SLC10A7: variants seen among roughly 807,000 people sequenced by gnomAD.
SLC10A7 encodes the protein solute carrier family 10 member 7, also known as sodium/bile acid cotransporter 7.
In SLC10A7, 29 loss-of-function variants were observed where a neutral mutation model predicts 43.2. The observed-to-expected ratio is 0.67, with a 90% CI of 0.50 to 0.92. The LOEUF (loss-of-function observed/expected upper bound fraction) is 0.92. SLC10A7 is among the 40% of genes least tolerant of loss of function. The pLI is 0.00. For synonymous variants in SLC10A7, 152 were observed against 144.8 expected, an observed-to-expected ratio of 1.05 and a Z score of -0.35; for missense variants, 295 against 403.2, an observed-to-expected ratio of 0.73 and a Z score of 2.30.
intron 4 of SLC10A7, among the ~76,000 whole-genome samples, chr4:146,459,581 T>C (rs1732356116): frequency 1.3e-5 from 2 of 151,156 alleles, no homozygotes; most frequent in African/African-American, 4.8e-5. Context: ...GAAAGAATAA[T>C]CTTTTCAATA....
intron 5 of SLC10A7, chr4:146,442,447 C>T (rs996484847): frequency 9.6e-7 from 1 of 1,041,092 alleles, no homozygotes; most frequent in South Asian, 3.8e-5. Context: ...TCAAAATCCT[C>T]AGTCCCATGA....
At chr4:146,480,043 T>C (rs970154161) in intron 4 of SLC10A7, among the ~76,000 whole-genome samples, 1 of 151,264 alleles carries the variant, frequency 6.6e-6, no homozygotes, top group Non-Finnish European at 1.5e-5. Flanking sequence ...TTGTACATAG[T>C]ATAAGGCATA....
intron 4 of SLC10A7, among the ~76,000 whole-genome samples, chr4:146,458,564 T>C (rs1212928867): frequency 1.3e-5 from 2 of 151,910 alleles, no homozygotes; most frequent in Non-Finnish European, 2.9e-5. Context: ...GATTATTCCT[T>C]ATAAATGTCT....
chr4:146,395,576 C>T (rs1231530835), intron 5 of SLC10A7, among the ~76,000 whole-genome samples: 1 of 152,214 alleles, frequency 6.6e-6, no homozygotes, highest in Non-Finnish European at 1.5e-5. Flanking sequence ...GAACAATTTA[C>T]TGCACAAATA....
intron 5 of SLC10A7, among the ~76,000 whole-genome samples, chr4:146,365,086 T>A (rs916548615): frequency 6.6e-6 from 1 of 152,082 alleles, no homozygotes; most frequent in African/African-American, 2.4e-5. Context: ...GATCAAAGTA[T>A]CAAAGAAATC....
At chr4:146,399,804 T>C (rs1739098434) in intron 5 of SLC10A7, among the ~76,000 whole-genome samples, 1 of 152,110 alleles carries the variant, frequency 6.6e-6, no homozygotes, top group African/African-American at 2.4e-5. Flanking sequence ...ACTTCTACTT[T>C]GCGCACAGTA....
intron 5 of SLC10A7, among the ~76,000 whole-genome samples, chr4:146,370,771 C>A (rs1484944914): frequency 6.6e-6 from 1 of 152,078 alleles, no homozygotes; most frequent in African/African-American, 2.4e-5. Context: ...ATTTACGTTT[C>A]CGAAATGTCT....
intron 5 of SLC10A7, among the ~76,000 whole-genome samples, chr4:146,403,078 C>T (rs556475667): frequency 1.3e-5 from 2 of 152,198 alleles, no homozygotes; most frequent in South Asian, 4.2e-4. Flanking sequence ...AGAAGAGTAC[C>T]TGCCACAAAG....
At chr4:146,352,184 G>T (rs1251551131) in intron 5 of SLC10A7, among the ~76,000 whole-genome samples, 1 of 109,484 alleles carries the variant, frequency 9.1e-6, no homozygotes, top group Non-Finnish European at 1.8e-5. Flanking sequence ...TAAAAGGATG[G>T]AGGAAGATCT....
intron 5 of SLC10A7, among the ~76,000 whole-genome samples, chr4:146,398,158 T>C (rs1034645269): frequency 1.3e-5 from 2 of 152,212 alleles, no homozygotes; most frequent in Non-Finnish European, 2.9e-5. Context: ...GGGAAAAATA[T>C]TCTGTTGTGT....
In SLC10A7 at chr4:146,521,826, A is replaced by C. The variant is rs192954674; in HGVS notation, c.-109T>G. 29 of 882,048 alleles carry C rather than the reference A, an allele frequency of 3.3e-5. No homozygotes were observed. The highest frequency in any genetic ancestry group is 4.9e-5 in the Non-Finnish European group (27 of 552,522). The allele number at this position is 882,048 out of a possible 1,614,324, so 54.6% of individuals were successfully genotyped here. Reference sequence around the variant, plus strand: ...CACACTTTCCTTGGTCCCTCCAGACATGCAGCAGAGCAAGTCAAATTGCCG... The same window carrying C: ...CACACTTTCCTTGGTCCCTCCAGACCTGCAGCAGAGCAAGTCAAATTGCCG... On this transcript the variant is annotated 5_prime_UTR_variant, in exon 1 of 12. An upstream start codon of the reference 5' UTR is lost. Transcript: ENST00000335472.
At chr4:146,469,508 CAT>C (rs1286815683) in intron 4 of SLC10A7, among the ~76,000 whole-genome samples, 23 of 152,272 alleles carry the variant, frequency 1.5e-4, no homozygotes, top group African/African-American at 3.8e-4. Flanking sequence ...AGTAAACAGA[CAT>C]GTGATGAATT....
At chr4:146,279,414 C>T (rs980297790) in intron 10 of SLC10A7, among the ~76,000 whole-genome samples, 12 of 152,110 alleles carry the variant, frequency 7.9e-5, no homozygotes, top group African/African-American at 2.4e-4. Flanking sequence ...TCTTTCTTGA[C>T]GAGATCTATT....
At chr4:146,423,448 G>A (rs1471785572) in intron 5 of SLC10A7, among the ~76,000 whole-genome samples, 1 of 152,102 alleles carries the variant, frequency 6.6e-6, no homozygotes, top group African/African-American at 2.4e-5. Context: ...ATAACTTTTG[G>A]ATAAATCACC....
At chr4:146,480,301 A>C (rs1047631365) in intron 4 of SLC10A7, among the ~76,000 whole-genome samples, 7 of 152,088 alleles carry the variant, frequency 4.6e-5, no homozygotes, top group African/African-American at 1.7e-4. Context: ...ATATTCTACT[A>C]TTTGAAAATT....
At position 146,258,939 on chromosome 4, in the gene SLC10A7, T is replaced by A. The variant is rs1550081; in HGVS notation, c.848-102A>T. On this transcript the variant is annotated intron_variant, in intron 10 of 11. Coordinates refer to ENST00000335472, the MANE Select transcript of SLC10A7 (RefSeq NM_001029998.6). ...AGAACTTTGGAATAGGTTATTACCA[T>A]ATTTTCTCATGTTTATTCACAGAAC... 6,727 of 1,258,152 alleles carry A rather than the reference T, an allele frequency of 5.3e-3. 181 individuals carry two copies. In the East Asian group the frequency reaches 0.06, roughly 11 times the overall value. The allele number at this position is 1,258,152 out of a possible 1,614,324, so 77.9% of individuals were successfully genotyped here. A position where few individuals can be genotyped will look rare whatever the true frequency, so the allele number is the denominator to read the frequency against.
intron 5 of SLC10A7, among the ~76,000 whole-genome samples, chr4:146,345,796 T>C (rs1248501524): frequency 1.3e-5 from 2 of 152,098 alleles, no homozygotes; most frequent in Admixed American, 6.6e-5. Context: ...TGGGACATAA[T>C]AGGGGCCCAT....
intron 6 of SLC10A7, among the ~76,000 whole-genome samples, chr4:146,317,493 T>A (rs571165655): frequency 6.6e-6 from 1 of 152,118 alleles, no homozygotes; most frequent in Non-Finnish European, 1.5e-5. Context: ...TTAATTTTAA[T>A]GTGTCAACTT....
At chr4:146,442,087 A>T in intron 5 of SLC10A7, 1 of 977,528 alleles carries the variant, frequency 1.0e-6, no homozygotes, top group Non-Finnish European at 1.2e-6. Context: ...GGCACAAAAA[A>T]ATTAAATCAA....
Sources: gnomAD v4.1 joint callset for allele counts (sites outside exome capture counted in the v4.1 genomes callset) on GRCh38, gnomAD v4.1.1 for gene constraint, MANE v1.5 for transcripts, NCBI Gene and HGNC (gene_info 2026-07-23, HGNC 2026-07-21) for gene names.